Variants in COPG2 observed in about 807,000 individuals in gnomAD.
The protein encoded by COPG2 is coat protein complex I subunit gamma 2, also known as coatomer subunit gamma-2.
In COPG2, 37 loss-of-function variants were observed where a neutral mutation model predicts 46.3. The observed-to-expected ratio is 0.80, with a 90% CI of 0.61 to 1.05. The LOEUF is 1.05. Among genes scored for constraint, COPG2 ranks in the 50% least tolerant of loss-of-function variants. The probability of loss-of-function intolerance (pLI) is 0.00; values close to 1 mark genes in which losing one functional copy is unlikely to be tolerated. For missense variants in COPG2, 427 were observed against 387.8 expected (o/e 1.10, Z -0.85); for synonymous variants, 159 against 129.7 (o/e 1.23, Z -1.53).
At chr7:130,516,738 TA>T in intron 20 of COPG2, among the ~76,000 whole-genome samples, 1 of 152,086 alleles carries the variant, frequency 6.6e-6, no homozygotes, top group South Asian at 2.1e-4. Flanking sequence ...GAGAGTAAGG[TA>T]AGAAGGTGGC....
At chr7:130,535,055 A>G (rs1181745233) in intron 20 of COPG2, among the ~76,000 whole-genome samples, 1 of 152,164 alleles carries the variant, frequency 6.6e-6, no homozygotes, top group African/African-American at 2.4e-5. Flanking sequence ...AGTTCTTGAA[A>G]AGAAGGTGGG....
chr7:130,511,899 T>C (rs781831134), intron 20 of COPG2: 1 of 512,288 alleles, frequency 2.0e-6, no homozygotes, highest in Non-Finnish European at 3.9e-6. Flanking sequence ...AGGAAAGTTA[T>C]AAACTGATGA....
intron 9 of COPG2, among the ~76,000 whole-genome samples, chr7:130,596,559 G>A (rs1554449700): frequency 6.6e-6 from 1 of 152,168 alleles, no homozygotes; most frequent in African/African-American, 2.4e-5. Context: ...GGACGCCTGG[G>A]CAACACTAGG....
chr7:130,664,438 T>C (rs1554461160), intron 3 of COPG2, among the ~76,000 whole-genome samples: 1 of 152,248 alleles, frequency 6.6e-6, no homozygotes, highest in Non-Finnish European at 1.5e-5. Context: ...CAGAAGTCTG[T>C]GTGCTTTTTA....
intron 5 of COPG2, 127 bp from the exon 6 acceptor site, chr7:130,617,192 A>T: frequency 1.8e-6 from 1 of 546,082 alleles, no homozygotes; most frequent in Non-Finnish European, 3.3e-6. Context: ...ATATTTATGG[A>T]GCATATTCTT....
intron 5 of COPG2, among the ~76,000 whole-genome samples, chr7:130,645,837 A>G (rs782000981): frequency 6.6e-6 from 1 of 152,182 alleles, no homozygotes; most frequent in African/African-American, 2.4e-5. Context: ...AAATACTCTC[A>G]TAATAAGCTA....
chr7:130,618,839 C>T (rs1467863319), intron 5 of COPG2, among the ~76,000 whole-genome samples: 1 of 151,852 alleles, frequency 6.6e-6, no homozygotes, highest in Non-Finnish European at 1.5e-5. Context: ...GATAAAGTAC[C>T]TCATTCTTGT....
At chr7:130,518,178 A>C (rs1799694250) in intron 20 of COPG2, among the ~76,000 whole-genome samples, 1 of 152,364 alleles carries the variant, frequency 6.6e-6, no homozygotes, top group South Asian at 2.1e-4. Flanking sequence ...GAAGGGAGAG[A>C]GGTAAATGAT....
At chr7:130,542,522 G>C (rs1352842228) in intron 20 of COPG2, among the ~76,000 whole-genome samples, 5 of 152,116 alleles carry the variant, frequency 3.3e-5, no homozygotes, top group African/African-American at 1.2e-4. Context: ...GTGGGGGGCA[G>C]GGCAGGAAGG....
At chr7:130,511,257 A>G (rs547682160) in intron 20 of COPG2, among the ~76,000 whole-genome samples, 1 of 152,216 alleles carries the variant, frequency 6.6e-6, no homozygotes, top group South Asian at 2.1e-4. Context: ...GCTTTGTTAG[A>G]ATAATAATTA....
intron 9 of COPG2, among the ~76,000 whole-genome samples, chr7:130,586,507 G>C (rs1554448004): frequency 6.6e-6 from 1 of 152,010 alleles, no homozygotes; most frequent in East Asian, 1.9e-4. Context: ...GTGTTGCCCA[G>C]GCAGGAATGC....
chr7:130,571,253 C>G (rs1490457680), intron 9 of COPG2, among the ~76,000 whole-genome samples: 1 of 152,126 alleles, frequency 6.6e-6, no homozygotes, highest in African/African-American at 2.4e-5. Context: ...GCATAGTAAA[C>G]AGACAACCCA....
At chr7:130,622,499 C>A (rs1795056795) in intron 5 of COPG2, among the ~76,000 whole-genome samples, 1 of 152,054 alleles carries the variant, frequency 6.6e-6, no homozygotes, top group Non-Finnish European at 1.5e-5. Context: ...TACAGTCTAC[C>A]CTTTCCATCC....
chr7:130,572,083 G>C (rs1339255491), intron 9 of COPG2, among the ~76,000 whole-genome samples: 1 of 151,938 alleles, frequency 6.6e-6, no homozygotes, highest in Non-Finnish European at 1.5e-5. Context: ...GGATTTTGGG[G>C]ACTTGGGGGG....
chr7:130,651,602 C>T (rs998710370), intron 5 of COPG2, among the ~76,000 whole-genome samples: 3 of 144,842 alleles, frequency 2.1e-5, no homozygotes, highest in Admixed American at 7.3e-5. Context: ...CTGCAAGCTC[C>T]GCTTCCCGGG....
intron 16 of COPG2, 114 bp downstream of exon 16, chr7:130,551,127 C>T: frequency 2.5e-6 from 1 of 393,678 alleles, no homozygotes; most frequent in Non-Finnish European, 4.5e-6. Context: ...GAAGTGCACT[C>T]AAAGACAAAA....
intron 9 of COPG2, among the ~76,000 whole-genome samples, chr7:130,568,779 G>C (rs943885468): frequency 6.6e-6 from 1 of 152,108 alleles, no homozygotes; most frequent in South Asian, 2.1e-4. Context: ...TCAGCACATG[G>C]AACATTCTCC....
intron 4 of COPG2, among the ~76,000 whole-genome samples, chr7:130,662,685 G>C (rs1435370534): frequency 6.6e-6 from 1 of 152,200 alleles, no homozygotes; most frequent in East Asian, 1.9e-4. Flanking sequence ...TGGTAGCTAT[G>C]TGCACTGACT....
intron 5 of COPG2, among the ~76,000 whole-genome samples, chr7:130,639,431 A>T (rs1350201654): frequency 6.6e-6 from 1 of 152,104 alleles, no homozygotes; most frequent in African/African-American, 2.4e-5. Context: ...AAAATTTCCA[A>T]GTTTTTTCCA....
Sources: allele counts gnomAD v4.1 joint callset (sites outside exome capture counted in the v4.1 genomes callset), GRCh38; gene constraint gnomAD v4.1.1; transcripts MANE v1.5; gene names NCBI Gene and HGNC (gene_info 2026-07-23, HGNC 2026-07-21).